VPS26A: variants seen among roughly 807,000 people sequenced by gnomAD.
VPS26A encodes vacuolar protein sorting-associated protein 26A.
VPS26A carries 22 observed loss-of-function variants against 42.4 expected under a neutral mutation model. The observed-to-expected ratio is 0.52, with a 90% CI of 0.37 to 0.74. VPS26A has a LOEUF of 0.74. VPS26A is among the 30% of genes least tolerant of loss of function. The pLI is 0.00. For synonymous variants in VPS26A, 110 were observed against 123.5 expected (o/e 0.89, Z 0.73); for missense variants, 276 against 379.2 (o/e 0.73, Z 2.26).
chr10:69,150,588 G>A (rs993061083), intron 2 of VPS26A, among the ~76,000 whole-genome samples: 12 of 150,998 alleles, frequency 7.9e-5, no homozygotes, highest in African/African-American at 2.9e-4. Flanking sequence ...TAGTAGAGAC[G>A]GGGTTTCACC....
intron 4 of VPS26A, 99 bp from the exon 5 acceptor site, chr10:69,157,948 A>G (rs1841467438): frequency 1.8e-6 from 2 of 1,092,286 alleles, no homozygotes; most frequent in East Asian, 5.3e-5. Flanking sequence ...GAGTTCCAGC[A>G]AGGAGGAGAA....
intron 2 of VPS26A, among the ~76,000 whole-genome samples, chr10:69,142,197 T>G (rs1242091364): frequency 6.8e-6 from 1 of 146,640 alleles, no homozygotes; most frequent in Non-Finnish European, 1.5e-5. Context: ...TTTTTTTTTT[T>G]TTTTTTGAGG....
At chr10:69,142,725 T>TC (rs1344036018) in intron 2 of VPS26A, among the ~76,000 whole-genome samples, 3 of 138,414 alleles carry the variant, frequency 2.2e-5, no homozygotes, top group Non-Finnish European at 3.1e-5. Context: ...AAGAAAGCTT[T>TC]CCCCCCACTA....
chr10:69,165,656 A>G (rs552208336), intron 6 of VPS26A, among the ~76,000 whole-genome samples: 17 of 152,110 alleles, frequency 1.1e-4, no homozygotes, highest in South Asian at 4.2e-4. Context: ...CAAAAAATAC[A>G]AAACTTAGCC....
At position 69,158,200 on chromosome 10, in the gene VPS26A, T is replaced by C. The variant is rs1348206664; in HGVS notation, c.540T>C (p.Tyr180=). Residue 180 remains tyrosine (Y), a synonymous_variant, in exon 5 of 9, where the codon TAT becomes TAC. Coordinates refer to ENST00000263559, the MANE Select transcript of VPS26A (RefSeq NM_004896.5). ...IEDCLHIEFE[Y]NKSKYHLKDV... ...ATTGTCTACATATAGAATTTGAATA[T>C]AATAAATCAAAGTAAGTATCATTCA... The C allele has an allele frequency of 6.3e-7, 1 of 1,589,212 alleles. No homozygotes were observed. The highest frequency in any genetic ancestry group is 8.5e-7 in the Non-Finnish European group (1 of 1,171,136).
chr10:69,156,487 GCTTT>G (rs1396873856), intron 3 of VPS26A, among the ~76,000 whole-genome samples: 2 of 152,044 alleles, frequency 1.3e-5, no homozygotes, highest in African/African-American at 4.8e-5. Flanking sequence ...TTAAAATCTA[GCTTT>G]CTAAGTTTCA....
In VPS26A at chr10:69,171,504, C is replaced by CTTTT; in HGVS notation, c.*243_*246dup. On this transcript the variant is annotated 3_prime_UTR_variant, in exon 9 of 9. Transcript: ENST00000263559. ...AAACACTGGAACTTTGTTAAGCTGC[C>CTTTT]TTTTTTTTTTTAACTTCCTACTTTG... The CTTTT allele has an allele frequency of 1.5e-4, 43 of 289,500 alleles. No homozygotes were observed. Among genetic ancestry groups the CTTTT allele is most frequent in the Non-Finnish European group, 2.5e-4 (40 of 160,068 alleles). 17.9% of individuals were successfully genotyped at this position (289,500 alleles called of 1,614,324 possible). A position where few individuals can be genotyped will look rare whatever the true frequency, so the allele number is the denominator to read the frequency against.
At position 69,157,098 on chromosome 10, in the gene VPS26A, T is replaced by C; in HGVS notation, c.321T>C (p.Tyr107=). ...LPGELTQSRS[Y]DFEFMQVEKP... Reference sequence around the variant, plus strand: ...GAGAACTGACTCAGAGCAGAAGTTATGATTTTGAATTTATGCAAGTTGAAA... The same window carrying C: ...GAGAACTGACTCAGAGCAGAAGTTACGATTTTGAATTTATGCAAGTTGAAA... The change falls in exon 4 of 9, where the codon TAT becomes TAC. Residue 107 remains tyrosine, a synonymous_variant. Transcript: ENST00000263559. The C allele has an allele frequency of 4.3e-6, 7 of 1,613,666 alleles. No homozygotes were observed. The highest frequency in any genetic ancestry group is 5.1e-6 in the Non-Finnish European group (6 of 1,179,720).
intron 1 of VPS26A, among the ~76,000 whole-genome samples, chr10:69,126,955 T>TTTA (rs200263847): frequency 9.2e-5 from 14 of 151,844 alleles, no homozygotes; most frequent in African/African-American, 2.4e-4. Flanking sequence ...GACTAGTTCT[T>TTTA]TTATTATTAT....
chr10:69,143,985 T>C (rs1432898624), intron 2 of VPS26A, among the ~76,000 whole-genome samples: 1 of 152,220 alleles, frequency 6.6e-6, no homozygotes, highest in Non-Finnish European at 1.5e-5. Flanking sequence ...TCCAAAGTGC[T>C]GGAATGACAG....
intron 1 of VPS26A, among the ~76,000 whole-genome samples, chr10:69,131,058 T>C (rs1840766741): frequency 6.6e-6 from 1 of 152,220 alleles, no homozygotes; most frequent in Admixed American, 6.5e-5. Flanking sequence ...CGATCTTGGC[T>C]CACTGCAACC....
intron 7 of VPS26A, 122 bp downstream of exon 7, chr10:69,166,232 C>A: frequency 1.2e-6 from 1 of 845,162 alleles, no homozygotes; most frequent in Non-Finnish European, 1.9e-6. Context: ...ACAATGATAG[C>A]TTTTAAGGTC....
chr10:69,131,533 G>A (rs1840777440), intron 1 of VPS26A, among the ~76,000 whole-genome samples: 1 of 152,306 alleles, frequency 6.6e-6, no homozygotes, highest in African/African-American at 2.4e-5. Context: ...AGGAGATCGA[G>A]ACCGTCCTGG....
Position 69,124,213 on chromosome 10 carries a change from CG to C in VPS26A, c.-61del. 1 of 1,270,788 alleles carries C rather than the reference CG, an allele frequency of 7.9e-7. No individual in the cohort carries two copies. Among genetic ancestry groups the C allele is most frequent in the Non-Finnish European group, 1.0e-6 (1 of 1,002,746 alleles). The allele number at this position is 1,270,788 out of a possible 1,614,324, so 78.7% of individuals were successfully genotyped here. ...GACGGAGCGCCGGAGCGGAGGGAGCCGGGGCTGGGAGTTCTCCTGAGGGAAG... is the reference window on the plus strand; with the variant it reads ...GACGGAGCGCCGGAGCGGAGGGAGCCGGGCTGGGAGTTCTCCTGAGGGAAG... On this transcript the variant is annotated 5_prime_UTR_variant, in exon 1 of 9. Coordinates refer to ENST00000263559, the MANE Select transcript of VPS26A (RefSeq NM_004896.5).
At chr10:69,159,753 C>T (rs142443001) in intron 5 of VPS26A, among the ~76,000 whole-genome samples, 9 of 152,240 alleles carry the variant, frequency 5.9e-5, no homozygotes, top group African/African-American at 1.4e-4. Flanking sequence ...TTCATACACC[C>T]AGACAGTATT....
chr10:69,171,542 CAG>C lies in VPS26A; in HGVS notation c.*275_*276del, dbSNP rs1013615996. 3 of 284,422 alleles carry C rather than the reference CAG, an allele frequency of 1.1e-5. No individual in the cohort carries two copies. Among genetic ancestry groups the C allele is most frequent in the African/African-American group, 4.6e-5 (2 of 43,900 alleles). 17.6% of individuals were successfully genotyped at this position (284,422 alleles called of 1,614,324 possible). On this transcript the variant is annotated 3_prime_UTR_variant, in exon 9 of 9. Coordinates refer to ENST00000263559, the MANE Select transcript of VPS26A (RefSeq NM_004896.5). The stretch of plus-strand genomic sequence containing the variant: ...ACTTCCTACTTTGATGATAAGCACT[CAG>C]ATATATATCAGCGTAAACATGAAAA...
intron 2 of VPS26A, among the ~76,000 whole-genome samples, chr10:69,137,862 G>GATATATATATATATATATATAT (rs745881334): frequency 3.8e-4 from 55 of 144,854 alleles, no homozygotes; most frequent in African/African-American, 1.4e-3. Context: ...GCTGTATTGA[G>GATATATATATATATATATATAT]ATATATATAT....
chr10:69,157,871 T>TC (rs58685700), intron 4 of VPS26A, among the ~76,000 whole-genome samples, 176 bp from the exon 5 acceptor site: 1 of 152,182 alleles, frequency 6.6e-6, no homozygotes, highest in East Asian at 1.9e-4. Context: ...GTATTTTTTT[T>TC]CATGTTGGGG....
At chr10:69,168,409 C>T in intron 7 of VPS26A, 80 bp from the exon 8 acceptor site, 1 of 1,454,922 alleles carries the variant, frequency 6.9e-7, no homozygotes, top group Non-Finnish European at 9.3e-7. Flanking sequence ...TTAGTGTCAA[C>T]TCTATAGTGC....
Sources: allele counts gnomAD v4.1 joint callset (sites outside exome capture counted in the v4.1 genomes callset), GRCh38; gene constraint gnomAD v4.1.1; transcripts MANE v1.5; gene names NCBI Gene and HGNC (gene_info 2026-07-23, HGNC 2026-07-21).